TBC1D22B: variants seen among roughly 807,000 people sequenced by gnomAD.
TBC1D22B encodes the protein chromosome 6 open reading frame 197.
A neutral mutation model predicts 69.1 loss-of-function variants in TBC1D22B; 32 were observed. The observed-to-expected ratio is 0.46, with a 90% CI of 0.35 to 0.62. The LOEUF is 0.62. TBC1D22B is among the 20% of genes least tolerant of loss of function. TBC1D22B has a pLI of 0.00. For synonymous variants in TBC1D22B, 206 were observed against 229.8 expected (o/e 0.90, Z 0.94); for missense variants, 462 against 630.9 (o/e 0.73, Z 2.87).
In TBC1D22B at chr6:37,271,849, CTTTTTTTT is replaced by C. The variant is rs35838317; in HGVS notation, c.113+2212_113+2219del. ...GCTGTTCTTGTCTGCAAGGTGCATG[CTTTTTTTT>C]TTTTTTTTTTTTAAATCAGAAACCA... is the stretch of plus-strand genomic sequence containing the variant. On this transcript the variant is annotated intron_variant, in intron 2 of 12. Transcript: ENST00000373491. 5.0e-5 allele frequency among the ~76,000 whole-genome samples: 6 copies of C among 120,902 alleles called. No individual in the cohort carries two copies. The South Asian group carries it at 1.7e-3, about 34-fold the overall frequency. 79.3% of individuals were successfully genotyped at this position (120,902 alleles called of 152,430 possible). A position where few individuals can be genotyped will look rare whatever the true frequency, so the allele number is the denominator to read the frequency against.
At chr6:37,310,556 T>C (rs2113777920) in intron 8 of TBC1D22B, among the ~76,000 whole-genome samples, 1 of 152,212 alleles carries the variant, frequency 6.6e-6, no homozygotes, top group South Asian at 2.1e-4. Flanking sequence ...TGATCCCAGC[T>C]TCTTGGGAGG....
At chr6:37,260,643 C>G (rs1251822785) in intron 1 of TBC1D22B, among the ~76,000 whole-genome samples, 1 of 152,124 alleles carries the variant, frequency 6.6e-6, no homozygotes, top group Non-Finnish European at 1.5e-5. Context: ...ACAGTCACTC[C>G]CCATCCACCC....
At chr6:37,276,107 G>A (rs1186902058) in intron 2 of TBC1D22B, among the ~76,000 whole-genome samples, 1 of 151,820 alleles carries the variant, frequency 6.6e-6, no homozygotes, top group Non-Finnish European at 1.5e-5. Context: ...TGGGATTACA[G>A]GTGTGCACCA....
At chr6:37,269,788 G>A (rs1445100283) in intron 2 of TBC1D22B, 138 bp downstream of exon 2, 8 of 751,138 alleles carry the variant, frequency 1.1e-5, no homozygotes, top group East Asian at 2.7e-5. Flanking sequence ...GATGAGCAAT[G>A]TTCTTACTTC....
intron 7 of TBC1D22B, 88 bp from the exon 8 acceptor site, chr6:37,291,154 TG>T: frequency 1.1e-6 from 1 of 924,918 alleles, no homozygotes; most frequent in Non-Finnish European, 1.7e-6. Context: ...TACACCAACC[TG>T]GAGGTAAATT....
In TBC1D22B at chr6:37,303,730, C is replaced by G. The variant is rs531395480; in HGVS notation, c.983-9188C>G. 2.6e-5 allele frequency among the ~76,000 whole-genome samples: 4 copies of G among 152,328 alleles called. No individual in the cohort carries two copies. The East Asian group carries it at 7.7e-4, about 29-fold the overall frequency. Reference sequence around the variant, plus strand: ...AAAATGGACATTGTAAATGTAAAGCCTTGTCCTGCACCACCTCTTTATCTC... The same window carrying G: ...AAAATGGACATTGTAAATGTAAAGCGTTGTCCTGCACCACCTCTTTATCTC... On this transcript the variant is annotated intron_variant, in intron 8 of 12. Transcript: ENST00000373491.
chr6:37,324,602 CA>C, intron 12 of TBC1D22B, among the ~76,000 whole-genome samples: 1 of 152,030 alleles, frequency 6.6e-6, no homozygotes, highest in East Asian at 1.9e-4. Context: ...AATATGGCAT[CA>C]AGCCTTACTA....
At chr6:37,271,849 C>CTTTTTTTTTTT (rs35838317) in intron 2 of TBC1D22B, among the ~76,000 whole-genome samples, 1 of 120,920 alleles carries the variant, frequency 8.3e-6, no homozygotes, top group Non-Finnish European at 1.7e-5. Flanking sequence ...AAGGTGCATG[C>CTTTTTTTTTTT]TTTTTTTTTT....
In TBC1D22B at chr6:37,331,470, G is replaced by A; in HGVS notation, c.*298G>A. 1 of 284,612 alleles carries A rather than the reference G, an allele frequency of 3.5e-6. No homozygotes were observed. The highest frequency in any genetic ancestry group is 6.7e-6 in the Non-Finnish European group (1 of 149,164). 17.6% of individuals were successfully genotyped at this position (284,612 alleles called of 1,614,324 possible). On this transcript the variant is annotated 3_prime_UTR_variant, in exon 13 of 13. Coordinates refer to ENST00000373491, the MANE Select transcript of TBC1D22B (RefSeq NM_017772.4). ...ACTGGACAAAGAAGGGGAAGGCTCA[G>A]GGTCTCACCTCACATTGTCCCTACA...
chr6:37,269,671 TTTATC>T (rs752433589), intron 2 of TBC1D22B, 21 bp downstream of exon 2: 1 of 1,612,926 alleles, frequency 6.2e-7, no homozygotes, highest in Admixed American at 1.7e-5. Flanking sequence ...ACATTTTCGT[TTTATC>T]TATCTACTGC....
intron 8 of TBC1D22B, among the ~76,000 whole-genome samples, chr6:37,291,957 A>G (rs1450202007): frequency 1.3e-5 from 2 of 152,202 alleles, no homozygotes; most frequent in Non-Finnish European, 2.9e-5. Context: ...AGCCAGCCTA[A>G]GTTAAGCAGA....
chr6:37,296,512 C>T (rs1767378419), intron 8 of TBC1D22B, among the ~76,000 whole-genome samples: 1 of 152,062 alleles, frequency 6.6e-6, no homozygotes. Flanking sequence ...TCACATTTGG[C>T]TAATTTTTTG....
At chr6:37,328,189 C>T (rs377009476) in intron 12 of TBC1D22B, among the ~76,000 whole-genome samples, 6 of 152,178 alleles carry the variant, frequency 3.9e-5, no homozygotes, top group East Asian at 1.9e-4. Flanking sequence ...TGGCTAATCC[C>T]AGCTACTCGG....
rs748350836 is a variant in TBC1D22B, at chr6:37,257,911, C to G, written c.-7C>G. 1.2e-6 allele frequency: 2 copies of G among 1,613,476 alleles called. No individual in the cohort carries two copies. Among genetic ancestry groups the G allele is most frequent in the Middle Eastern group, 1.7e-4 (1 of 6,050 alleles). On this transcript the variant is annotated 5_prime_UTR_variant, in exon 1 of 13. Coordinates refer to ENST00000373491, the MANE Select transcript of TBC1D22B (RefSeq NM_017772.4). The stretch of plus-strand genomic sequence containing the variant: ...CCCGCCTACAAGGACTTCCCCCGGC[C>G]AGAGCAATGGCCGCTGAGAACAGCA...
chr6:37,273,351 C>A (rs1275603763), intron 2 of TBC1D22B, among the ~76,000 whole-genome samples: 1 of 152,186 alleles, frequency 6.6e-6, no homozygotes, highest in Non-Finnish European at 1.5e-5. Flanking sequence ...CTAGCACAAC[C>A]TTTGACAAAC....
chr6:37,302,819 A>G (rs546239075), intron 8 of TBC1D22B, among the ~76,000 whole-genome samples: 1 of 152,348 alleles, frequency 6.6e-6, no homozygotes, highest in African/African-American at 2.4e-5. Context: ...AGGGAACCCA[A>G]GTAACAGTTC....
At chr6:37,307,779 G>C (rs1767781528) in intron 8 of TBC1D22B, among the ~76,000 whole-genome samples, 1 of 152,198 alleles carries the variant, frequency 6.6e-6, no homozygotes, top group Non-Finnish European at 1.5e-5. Flanking sequence ...CTGAGGCGTT[G>C]GAGCCTCTTG....
rs781322335 is a variant in TBC1D22B, at chr6:37,284,470, G to A, written c.801+6G>A. 2 of 1,561,428 alleles carry A rather than the reference G, an allele frequency of 1.3e-6. No individual in the cohort carries two copies. Among genetic ancestry groups the A allele is most frequent in the Admixed American group, 2.0e-5 (1 of 51,046 alleles). ...ACCAGGATACCTACAGACAGGTACA[G>A]TCACCACCTGCTGCCTCTTTGCTTA... On this transcript the variant is annotated splice_donor_region_variant and intron_variant, in intron 6 of 12. Coordinates refer to ENST00000373491, the MANE Select transcript of TBC1D22B (RefSeq NM_017772.4).
chr6:37,262,637 T>G (rs1766144173), intron 1 of TBC1D22B, among the ~76,000 whole-genome samples: 1 of 152,226 alleles, frequency 6.6e-6, no homozygotes, highest in Non-Finnish European at 1.5e-5. Flanking sequence ...CAACTTGTTC[T>G]TGGCTTGGAG....
Sources: allele counts gnomAD v4.1 joint callset (sites outside exome capture counted in the v4.1 genomes callset), GRCh38; gene constraint gnomAD v4.1.1; transcripts MANE v1.5; gene names NCBI Gene and HGNC (gene_info 2026-07-23, HGNC 2026-07-21).